The following CDKAL1 variants were observed in gnomAD, a reference collection of about 807,000 sequenced individuals.
CDKAL1 encodes threonylcarbamoyladenosine tRNA methylthiotransferase.
Under a neutral mutation model 68.2 loss-of-function variants are expected in CDKAL1, and 32 were observed. The ratio of observed to expected loss-of-function variants is 0.47; its 90% CI spans 0.35 to 0.63. The LOEUF (loss-of-function observed/expected upper bound fraction) is 0.63. CDKAL1 is among the 30% of genes least tolerant of loss of function. The pLI is 0.00. For synonymous variants in CDKAL1, 234 were observed against 244.3 expected (o/e 0.96, Z 0.39); for missense variants, 606 against 696.7 (o/e 0.87, Z 1.47).
chr6:20,796,331 CAG>C (rs571158336), intron 8 of CDKAL1, among the ~76,000 whole-genome samples: 132 of 152,114 alleles, frequency 8.7e-4, no homozygotes, highest in African/African-American at 2.9e-3. Flanking sequence ...ATTTACAAAA[CAG>C]AAGAAATCAA....
chr6:21,170,382 T>G (rs9460604), intron 13 of CDKAL1, among the ~76,000 whole-genome samples: 63,169 of 151,996 alleles, frequency 0.42, 13,288 homozygotes, highest in Admixed American at 0.47. Flanking sequence ...TCACACAGGC[T>G]GGAGTGCAGT....
At chr6:20,956,060 T>TC (rs1764760848) in intron 10 of CDKAL1, among the ~76,000 whole-genome samples, 1 of 152,078 alleles carries the variant, frequency 6.6e-6, no homozygotes, top group African/African-American at 2.4e-5. Flanking sequence ...TACATAGGGG[T>TC]GAAGTTGAAT....
intron 5 of CDKAL1, among the ~76,000 whole-genome samples, chr6:20,661,810 C>A (rs1769295965): frequency 6.6e-6 from 1 of 152,064 alleles, no homozygotes; most frequent in Non-Finnish European, 1.5e-5. Flanking sequence ...CCATTTTAAG[C>A]AAGAGAGTGA....
intron 4 of CDKAL1, among the ~76,000 whole-genome samples, chr6:20,625,587 C>T (rs779874013): frequency 5.9e-5 from 9 of 152,142 alleles, no homozygotes; most frequent in East Asian, 1.9e-4. Context: ...ATATGCTATA[C>T]GGGACAGTTT....
chr6:20,865,149 G>A (rs989930383), intron 9 of CDKAL1, among the ~76,000 whole-genome samples: 1 of 152,132 alleles, frequency 6.6e-6, no homozygotes, highest in African/African-American at 2.4e-5. Context: ...GAGAGGTTAC[G>A]CTTAGAGTCT....
chr6:20,870,128 C>T (rs1043642705), intron 9 of CDKAL1, among the ~76,000 whole-genome samples: 1 of 152,170 alleles, frequency 6.6e-6, no homozygotes, highest in Non-Finnish European at 1.5e-5. Flanking sequence ...AACCTATTCG[C>T]TTCTTCCAAA....
At chr6:20,646,996 C>T (rs966345976) in intron 4 of CDKAL1, among the ~76,000 whole-genome samples, 5 of 152,182 alleles carry the variant, frequency 3.3e-5, no homozygotes, top group Non-Finnish European at 7.4e-5. Flanking sequence ...CCACCCGCCT[C>T]GGCCTCCCAA....
chr6:20,766,225 A>G (rs1193449172), intron 7 of CDKAL1, among the ~76,000 whole-genome samples: 1 of 151,978 alleles, frequency 6.6e-6, no homozygotes, highest in Non-Finnish European at 1.5e-5. Flanking sequence ...ATTTGAAACC[A>G]CCTTTCATCA....
chr6:20,930,716 T>G (rs1763401661), intron 9 of CDKAL1, among the ~76,000 whole-genome samples: 1 of 151,372 alleles, frequency 6.6e-6, no homozygotes, highest in African/African-American at 2.4e-5. Flanking sequence ...AATGTTTACA[T>G]TAACTTTATG....
chr6:21,014,372 G>A (rs530796365), intron 11 of CDKAL1, among the ~76,000 whole-genome samples: 4 of 152,282 alleles, frequency 2.6e-5, no homozygotes, highest in South Asian at 2.1e-4. Flanking sequence ...GGGAGGCCAA[G>A]GCAGGTGGAT....
intron 5 of CDKAL1, among the ~76,000 whole-genome samples, chr6:20,682,630 G>C (rs1318149080): frequency 1.3e-5 from 2 of 152,082 alleles, no homozygotes; most frequent in African/African-American, 2.4e-5. Flanking sequence ...CTCCCATCAG[G>C]CCCCTCCTCC....
chr6:20,879,442 T>C (rs1232258684), intron 9 of CDKAL1, among the ~76,000 whole-genome samples: 3 of 152,264 alleles, frequency 2.0e-5, no homozygotes, highest in Non-Finnish European at 4.4e-5. Flanking sequence ...AATAGTCACT[T>C]CAACAGTTTT....
At chr6:20,990,986 T>C (rs1284597339) in intron 10 of CDKAL1, among the ~76,000 whole-genome samples, 1 of 152,166 alleles carries the variant, frequency 6.6e-6, no homozygotes, top group Non-Finnish European at 1.5e-5. Flanking sequence ...AATAGGGAAA[T>C]GAACATAAAC....
intron 11 of CDKAL1, among the ~76,000 whole-genome samples, chr6:21,009,901 G>A (rs946289369): frequency 2.0e-5 from 3 of 152,186 alleles, no homozygotes; most frequent in South Asian, 4.1e-4. Flanking sequence ...TAGCTAGATA[G>A]AAGGAATAAG....
intron 5 of CDKAL1, among the ~76,000 whole-genome samples, chr6:20,658,702 T>C (rs1769143028): frequency 6.6e-6 from 1 of 152,252 alleles, no homozygotes; most frequent in Admixed American, 6.5e-5. Context: ...GAGAAGTGGT[T>C]ACCTTTTCAG....
At chr6:20,568,750 AC>A (rs1554152110) in intron 4 of CDKAL1, among the ~76,000 whole-genome samples, 10,634 of 89,714 alleles carry the variant, frequency 0.12, 810 homozygotes, top group African/African-American at 0.21. Context: ...AAAAAAAAAA[AC>A]AAAAAAACAA....
chr6:20,851,481 T>C (rs934457746), intron 9 of CDKAL1, among the ~76,000 whole-genome samples: 2 of 152,192 alleles, frequency 1.3e-5, no homozygotes, highest in African/African-American at 2.4e-5. Flanking sequence ...GCACTGTCTC[T>C]GGAATCAAAA....
intron 11 of CDKAL1, among the ~76,000 whole-genome samples, chr6:21,041,681 T>C (rs191214242): frequency 2.0e-4 from 30 of 152,210 alleles, no homozygotes; most frequent in Admixed American, 4.6e-4. Flanking sequence ...CCTATCGTAT[T>C]TGGTACTGGA....
At chr6:20,928,685 C>CTTTTTTTTTT (rs55795720) in intron 9 of CDKAL1, among the ~76,000 whole-genome samples, 2 of 120,186 alleles carry the variant, frequency 1.7e-5, no homozygotes, top group Non-Finnish European at 3.4e-5. Flanking sequence ...TTACAATATT[C>CTTTTTTTTTT]TTTTTTTTTT....
Sources: gnomAD v4.1 joint callset for allele counts (sites outside exome capture counted in the v4.1 genomes callset) on GRCh38, gnomAD v4.1.1 for gene constraint, MANE v1.5 for transcripts, NCBI Gene and HGNC (gene_info 2026-07-23, HGNC 2026-07-21) for gene names.